NRXN1: variants seen among roughly 807,000 people sequenced by gnomAD.
NRXN1 encodes the protein neurexin-1.
A neutral mutation model predicts 150.9 loss-of-function variants in NRXN1; 39 were observed. The ratio of observed to expected loss-of-function variants is 0.26; its 90% confidence interval spans 0.20 to 0.34. The LOEUF (loss-of-function observed/expected upper bound fraction) is 0.34, where lower values mean the gene tolerates loss of function less well. Among genes scored for constraint, NRXN1 ranks in the 10% least tolerant of loss-of-function variants. The probability of loss-of-function intolerance (pLI) is 1.00; values close to 1 mark genes in which losing one functional copy is unlikely to be tolerated. For synonymous variants in NRXN1, 924 were observed against 757.0 expected (o/e 1.22, Z -3.62); for missense variants, 1,815 against 1,949.9 (o/e 0.93, Z 1.30).
At chr2:50,609,091 A>G (rs1477406460) in intron 8 of NRXN1, among the ~76,000 whole-genome samples, 1 of 152,098 alleles carries the variant, frequency 6.6e-6, no homozygotes, top group Non-Finnish European at 1.5e-5. Context: ...CTTTTTTCAC[A>G]TATTAGGGAT....
chr2:50,641,385 T>A (rs944494322), intron 5 of NRXN1, among the ~76,000 whole-genome samples: 3 of 151,662 alleles, frequency 2.0e-5, no homozygotes, highest in Non-Finnish European at 2.9e-5. Flanking sequence ...AATGGAAGAG[T>A]GGGCAGGTGG....
chr2:50,261,386 A>G (rs758157591), intron 17 of NRXN1, among the ~76,000 whole-genome samples: 5 of 151,830 alleles, frequency 3.3e-5, no homozygotes, highest in Non-Finnish European at 7.4e-5. Context: ...CTGGAGTTAA[A>G]TTGAAAGGTG....
At chr2:50,287,781 T>A (rs2072380642) in intron 17 of NRXN1, among the ~76,000 whole-genome samples, 1 of 152,190 alleles carries the variant, frequency 6.6e-6, no homozygotes, top group Non-Finnish European at 1.5e-5. Flanking sequence ...AAGATTTAAT[T>A]TCCCATATGT....
At chr2:50,877,371 G>C (rs1452900527) in intron 5 of NRXN1, among the ~76,000 whole-genome samples, 1 of 151,850 alleles carries the variant, frequency 6.6e-6, no homozygotes, top group Non-Finnish European at 1.5e-5. Flanking sequence ...AGGTAGAAAA[G>C]ATGGTAAGGA....
chr2:50,513,668 G>C (rs2092537961), intron 12 of NRXN1, among the ~76,000 whole-genome samples: 1 of 152,060 alleles, frequency 6.6e-6, no homozygotes, highest in Non-Finnish European at 1.5e-5. Flanking sequence ...TATGAATGTG[G>C]AGGGAAAATA....
chr2:50,580,856 T>TAC (rs1453735021), intron 8 of NRXN1, among the ~76,000 whole-genome samples: 1 of 152,066 alleles, frequency 6.6e-6, no homozygotes, highest in Non-Finnish European at 1.5e-5. Context: ...TGGGTCTAAA[T>TAC]ACATACTAAT....
At chr2:50,809,889 T>C (rs755461977) in intron 5 of NRXN1, among the ~76,000 whole-genome samples, 11 of 152,200 alleles carry the variant, frequency 7.2e-5, no homozygotes, top group Non-Finnish European at 1.5e-4. Flanking sequence ...CTTTCAACAA[T>C]GAAAACAGGC....
Position 50,621,206 on chromosome 2 carries a change from G to T in NRXN1, c.1158+20C>A. On this transcript the variant is annotated intron_variant, in intron 7 of 22. Coordinates refer to ENST00000401669, the MANE Select transcript of NRXN1 (RefSeq NM_001330078.2). ...AGAAACAATTAGAATGATATCTACCGAACAATGTAGTTTGTTTACCATAGC... is the reference window on the plus strand; with the variant it reads ...AGAAACAATTAGAATGATATCTACCTAACAATGTAGTTTGTTTACCATAGC... 6.4e-7 allele frequency: 1 copy of T among 1,561,368 alleles called. No homozygotes were observed. Among genetic ancestry groups the T allele is most frequent in the Non-Finnish European group, 8.7e-7 (1 of 1,150,898 alleles).
intron 5 of NRXN1, among the ~76,000 whole-genome samples, chr2:50,787,563 A>G (rs1705307803): frequency 6.6e-6 from 1 of 151,988 alleles, no homozygotes. Flanking sequence ...ATCTAAAAAA[A>G]GACAAAAAAC....
chr2:50,336,351 G>T (rs555892173), intron 17 of NRXN1, among the ~76,000 whole-genome samples: 5 of 152,286 alleles, frequency 3.3e-5, no homozygotes, highest in African/African-American at 1.2e-4. Flanking sequence ...GAGTAGTAGA[G>T]ATGCTTAAAT....
chr2:50,732,911 A>C (rs1344657296), intron 5 of NRXN1, among the ~76,000 whole-genome samples: 1 of 152,162 alleles, frequency 6.6e-6, no homozygotes, highest in African/African-American at 2.4e-5. Flanking sequence ...CTTCCAGTAC[A>C]CTGTGTTCTG....
At chr2:50,575,950 A>C (rs547651145) in intron 8 of NRXN1, among the ~76,000 whole-genome samples, 1 of 152,278 alleles carries the variant, frequency 6.6e-6, no homozygotes, top group Non-Finnish European at 1.5e-5. Context: ...CTTTTGAAAG[A>C]GTTGTTCTAA....
chr2:50,256,809 G>A (rs1268886755), intron 17 of NRXN1, among the ~76,000 whole-genome samples: 6 of 152,202 alleles, frequency 3.9e-5, no homozygotes, highest in Non-Finnish European at 7.4e-5. Context: ...CCTGAAATGT[G>A]TCTGCATTCT....
intron 17 of NRXN1, among the ~76,000 whole-genome samples, chr2:50,266,536 T>TAC (rs67570666): frequency 0.034 from 3,865 of 112,720 alleles, 56 homozygotes; most frequent in South Asian, 0.065. Context: ...TGTATATAAA[T>TAC]ACACACACAC....
At chr2:50,027,667 A>G (rs1274578980) in intron 21 of NRXN1, among the ~76,000 whole-genome samples, 1 of 152,136 alleles carries the variant, frequency 6.6e-6, no homozygotes, top group Non-Finnish European at 1.5e-5. Flanking sequence ...CCTGGGCTCA[A>G]GTTATCCTCC....
At chr2:50,676,864 C>A (rs1019358867) in intron 5 of NRXN1, among the ~76,000 whole-genome samples, 14 of 152,132 alleles carry the variant, frequency 9.2e-5, no homozygotes, top group Non-Finnish European at 1.5e-4. Flanking sequence ...AGCATTCATT[C>A]ATTTATTTTA....
Position 50,789,052 on chromosome 2 carries a change from G to A in NRXN1, c.832+132817C>T, listed in dbSNP as rs1476771262. Reference sequence around the variant, plus strand: ...AAAAGGGATGGCTAATGTAAGGCCCGTAGGTCCAAACAAACCAAAACAAAG... The same window carrying A: ...AAAAGGGATGGCTAATGTAAGGCCCATAGGTCCAAACAAACCAAAACAAAG... On this transcript the variant is annotated intron_variant, in intron 5 of 22. Coordinates refer to ENST00000401669, the MANE Select transcript of NRXN1 (RefSeq NM_001330078.2). 1.1e-4 allele frequency among the ~76,000 whole-genome samples: 16 copies of A among 152,244 alleles called. No homozygotes were observed. The South Asian group carries it at 2.5e-3, about 24-fold the overall frequency.
intron 5 of NRXN1, among the ~76,000 whole-genome samples, chr2:50,654,355 G>A (rs1686092991): frequency 6.6e-6 from 1 of 151,856 alleles, no homozygotes; most frequent in Non-Finnish European, 1.5e-5. Flanking sequence ...CAAAGGACAT[G>A]AAATCATCAT....
chr2:50,750,665 T>C (rs1029643044), intron 5 of NRXN1, among the ~76,000 whole-genome samples: 28 of 152,156 alleles, frequency 1.8e-4, no homozygotes, highest in African/African-American at 6.7e-4. Flanking sequence ...GACTCCACTT[T>C]AATGTTTCCT....
Sources: allele counts gnomAD v4.1 joint callset (sites outside exome capture counted in the v4.1 genomes callset), GRCh38; gene constraint gnomAD v4.1.1; transcripts MANE v1.5; gene names NCBI Gene and HGNC (gene_info 2026-07-23, HGNC 2026-07-21).